RTCA: variants seen among roughly 807,000 people sequenced by gnomAD.
RTCA encodes RNA 3'-terminal phosphate cyclase.
RTCA carries 37 observed loss-of-function variants against 46.1 expected under a neutral mutation model. The observed-to-expected ratio is 0.80, with a 90% CI of 0.62 to 1.06. RTCA has a LOEUF of 1.06. Among genes scored for constraint, RTCA ranks in the 50% least tolerant of loss-of-function variants. RTCA has a pLI of 0.00. For missense variants in RTCA, 435 were observed against 455.5 expected, an observed-to-expected ratio of 0.95 and a Z score of 0.41; for synonymous variants, 164 against 158.3, an observed-to-expected ratio of 1.04 and a Z score of -0.27.
In RTCA at chr1:100,291,626, G is replaced by A. The variant is rs533080181; in HGVS notation, c.*122G>A. 1.0e-4 allele frequency: 62 copies of A among 590,704 alleles called. 3 individuals carry two copies. In the South Asian group the frequency reaches 1.5e-3, roughly 15 times the overall value. The allele number at this position is 590,704 out of a possible 1,614,324, so 36.6% of individuals were successfully genotyped here. A position where few individuals can be genotyped will look rare whatever the true frequency, so the allele number is the denominator to read the frequency against. On this transcript the variant is annotated 3_prime_UTR_variant, in exon 11 of 11. Coordinates refer to ENST00000370128, the MANE Select transcript of RTCA (RefSeq NM_003729.4). ...CTTAAATTTGAAGATGAAGTACAGT[G>A]TTCTAGGTTTGCTGAGAAGGCTTCA...
intron 8 of RTCA, among the ~76,000 whole-genome samples, chr1:100,284,398 T>A (rs1382625136): frequency 8.2e-6 from 1 of 122,316 alleles, no homozygotes; most frequent in Non-Finnish European, 1.6e-5. Context: ...AATTCTTTAA[T>A]TTTTTTTTTT....
At chr1:100,267,502 C>G in intron 2 of RTCA, 1 of 1,544,114 alleles carries the variant, frequency 6.5e-7, no homozygotes, top group East Asian at 2.4e-5. Context: ...CCTCACAGTT[C>G]TGGAGGCTGG....
chr1:100,266,669 C>CG (rs1209550285), intron 2 of RTCA, 45 bp downstream of exon 2: 3 of 1,381,502 alleles, frequency 2.2e-6, no homozygotes, highest in Non-Finnish European at 3.0e-6. Flanking sequence ...GCTGGGGGAT[C>CG]GGGGGGTCGG....
intron 8 of RTCA, among the ~76,000 whole-genome samples, chr1:100,282,734 A>G (rs1049051305): frequency 6.6e-6 from 1 of 151,062 alleles, no homozygotes; most frequent in African/African-American, 2.4e-5. Context: ...GCACAAAATC[A>G]TTTAAAACAT....
chr1:100,275,554 T>C (rs1666322827), intron 6 of RTCA, 45 bp from the exon 7 acceptor site: 1 of 1,485,094 alleles, frequency 6.7e-7, no homozygotes, highest in East Asian at 2.4e-5. Flanking sequence ...ATTTTCCAAA[T>C]AATCAGTAAT....
intron 7 of RTCA, 152 bp downstream of exon 7, chr1:100,275,875 G>A (rs1666341803): frequency 1.5e-6 from 1 of 666,978 alleles, no homozygotes; most frequent in Non-Finnish European, 2.2e-6. Context: ...TCGCTCTGTT[G>A]TCCAGGCTGG....
intron 8 of RTCA, among the ~76,000 whole-genome samples, chr1:100,282,750 A>G (rs1172159483): frequency 6.6e-6 from 1 of 152,198 alleles, no homozygotes; most frequent in Non-Finnish European, 1.5e-5. Flanking sequence ...AACATTGTAT[A>G]AGGTTGCCTT....
In RTCA at chr1:100,275,775, C is replaced by T. The variant is rs756458708; in HGVS notation, c.740+52C>T. 1.7e-5 allele frequency: 25 copies of T among 1,450,180 alleles called. No individual in the cohort carries two copies. The South Asian group carries it at 3.2e-4, about 18-fold the overall frequency. The allele number at this position is 1,450,180 out of a possible 1,614,324, so 89.8% of individuals were successfully genotyped here. A position where few individuals can be genotyped will look rare whatever the true frequency, so the allele number is the denominator to read the frequency against. On this transcript the variant is annotated intron_variant, in intron 7 of 10. Transcript: ENST00000370128. Reference sequence around the variant, plus strand: ...TAGTTGAGAACCCTAAAATAGTTATCTAATTAAATTAAAGATTTTTAGGGT... The same window carrying T: ...TAGTTGAGAACCCTAAAATAGTTATTTAATTAAATTAAAGATTTTTAGGGT...
At position 100,292,268 on chromosome 1, in the gene RTCA, C is replaced by T. The variant is rs114909585; in HGVS notation, c.*764C>T. 3,188 of 151,834 alleles carry T rather than the reference C, an allele frequency of 0.021. 50 individuals are homozygous for T. The highest frequency in any genetic ancestry group is 0.033 in the Non-Finnish European group (2,234 of 67,942). The allele number at this position is 151,834 out of a possible 1,614,324, so 9.4% of individuals were successfully genotyped here. A position where few individuals can be genotyped will look rare whatever the true frequency, so the allele number is the denominator to read the frequency against. On this transcript the variant is annotated 3_prime_UTR_variant, in exon 11 of 11. Coordinates refer to ENST00000370128, the MANE Select transcript of RTCA (RefSeq NM_003729.4). ...TCATTCTAATGATATATACCTTCTA[C>T]CTAGTGGGCACTTTGTACATATTTA...
intron 10 of RTCA, among the ~76,000 whole-genome samples, chr1:100,287,428 C>T (rs1010474579): frequency 6.6e-6 from 1 of 152,088 alleles, no homozygotes; most frequent in Admixed American, 6.6e-5. Flanking sequence ...TAAAGTGAGG[C>T]AGAGAGATTC....
intron 8 of RTCA, 101 bp from the exon 9 acceptor site, chr1:100,285,127 G>A: frequency 2.4e-6 from 2 of 837,564 alleles, no homozygotes; most frequent in South Asian, 3.0e-5. Context: ...CCTAAAAATT[G>A]TATACCAGTG....
chr1:100,290,649 C>T (rs185199952), intron 10 of RTCA, among the ~76,000 whole-genome samples: 1 of 152,080 alleles, frequency 6.6e-6, no homozygotes, highest in Non-Finnish European at 1.5e-5. Flanking sequence ...GCCTGTGGTC[C>T]CAGCTACACT....
Position 100,285,327 on chromosome 1 carries a change from T to TG in RTCA, c.894+6dup. 1 of 1,604,388 alleles carries TG rather than the reference T, an allele frequency of 6.2e-7. No individual in the cohort carries two copies. The highest frequency in any genetic ancestry group is 1.1e-5 in the South Asian group (1 of 90,820). On this transcript the variant is annotated splice_donor_region_variant and intron_variant, in intron 9 of 10. Coordinates refer to ENST00000370128, the MANE Select transcript of RTCA (RefSeq NM_003729.4). ...GATGAGTATCTGCAAGACCAGGTAATGACACATTTAGGTTAAAAACCCTCT... is the reference window on the plus strand; with the variant it reads ...GATGAGTATCTGCAAGACCAGGTAATGGACACATTTAGGTTAAAAACCCTCT...
intron 3 of RTCA, 129 bp from the exon 4 acceptor site, chr1:100,270,428 C>A: frequency 2.8e-6 from 3 of 1,074,650 alleles, no homozygotes; most frequent in Non-Finnish European, 4.0e-6. Context: ...AACTCAATGG[C>A]ATATACCTGC....
In RTCA at chr1:100,266,395, A is replaced by AG. The variant is rs1468827435; in HGVS notation, c.22dup (p.Val8GlyfsTer57). ...TCCCCCATGGCGGGGCCGCGGGTGG[A>AG]GGTCGATGGCAGCATCATGGAAGGG... On this transcript the variant is annotated frameshift_variant, in exon 1 of 11. Coordinates refer to ENST00000370128, the MANE Select transcript of RTCA (RefSeq NM_003729.4). LOFTEE classifies it high-confidence loss of function. 4 of 1,611,342 alleles carry AG rather than the reference A, an allele frequency of 2.5e-6. No individual in the cohort carries two copies. In the South Asian group the frequency reaches 4.4e-5, roughly 18 times the overall value.
chr1:100,268,153 C>T lies in RTCA; in HGVS notation c.148C>T (p.Pro50Ser). Residue 50 changes from proline to serine, a missense_variant and splice_region_variant, in exon 3 of 11, where the codon CCT becomes TCT. Coordinates refer to ENST00000370128, the MANE Select transcript of RTCA (RefSeq NM_003729.4). ...RAGRSTPGLR[P>S]QHLSGLEMIR... Reference sequence around the variant, plus strand: ...TTGATGCAGTATTATGACCTGAAGGCCTCAACATTTATCTGGACTGGAAAT... The same window carrying T: ...TTGATGCAGTATTATGACCTGAAGGTCTCAACATTTATCTGGACTGGAAAT... 6.2e-7 allele frequency: 1 copy of T among 1,613,980 alleles called. No individual in the cohort carries two copies. Among genetic ancestry groups the T allele is most frequent in the Non-Finnish European group, 8.5e-7 (1 of 1,179,952 alleles).
chr1:100,287,178 T>C lies in RTCA; in HGVS notation c.974T>C (p.Ile325Thr). The change falls in exon 10 of 11, where the codon ATA (isoleucine) becomes ACA (threonine). Residue 325 changes from isoleucine to threonine, a missense_variant. Ile to Thr is a moderately conservative substitution (Grantham distance 89). Coordinates refer to ENST00000370128, the MANE Select transcript of RTCA (RefSeq NM_003729.4). ...GTTACACTCCATACGCAAACCGCGA[T>C]ACATTTTGCTGAACAAATAGCAAAG... ...GPVTLHTQTA[I>T]HFAEQIAKAK... is the part of the protein sequence containing the mutation. 1.3e-6 allele frequency: 2 copies of C among 1,584,066 alleles called. No homozygotes were observed. The highest frequency in any genetic ancestry group is 1.7e-6 in the Non-Finnish European group (2 of 1,167,824).
chr1:100,279,603 C>T (rs1035605560), intron 8 of RTCA, among the ~76,000 whole-genome samples: 3 of 151,766 alleles, frequency 2.0e-5, no homozygotes, highest in Non-Finnish European at 2.9e-5. Flanking sequence ...GGCAAGATTC[C>T]ATCTCTTAAA....
intron 8 of RTCA, chr1:100,281,187 T>A (rs1471673129): frequency 3.8e-6 from 2 of 530,320 alleles, no homozygotes; most frequent in East Asian, 5.4e-5. Context: ...TCCTTATATG[T>A]TGAGCAAGAA....
Sources: allele counts gnomAD v4.1 joint callset (sites outside exome capture counted in the v4.1 genomes callset), GRCh38; gene constraint gnomAD v4.1.1; transcripts MANE v1.5; gene names NCBI Gene and HGNC (gene_info 2026-07-23, HGNC 2026-07-21).